The following TBCK variants were observed in gnomAD, a reference collection of about 807,000 sequenced individuals.
TBCK encodes TBC1 domain containing kinase.
In TBCK, 99 loss-of-function variants were observed where a neutral mutation model predicts 113.4. That is an observed-to-expected ratio of 0.87 (90% CI 0.74 to 1.03). The LOEUF is 1.03. Ranked by LOEUF, TBCK falls within the 50% of genes least tolerant of loss-of-function variation. TBCK has a pLI of 0.00. For synonymous variants in TBCK, 369 were observed against 370.8 expected (o/e 1.00, Z 0.05); for missense variants, 1,045 against 1,061.3 (o/e 0.98, Z 0.21).
intron 23 of TBCK, among the ~76,000 whole-genome samples, chr4:106,151,523 T>C (rs1748484619): frequency 6.6e-6 from 1 of 152,040 alleles, no homozygotes; most frequent in Non-Finnish European, 1.5e-5. Flanking sequence ...TCCATCTGTG[T>C]TGTCGCAAAT....
At chr4:106,079,165 A>C (rs2149489318) in intron 25 of TBCK, among the ~76,000 whole-genome samples, 1 of 152,334 alleles carries the variant, frequency 6.6e-6, no homozygotes, top group African/African-American at 2.4e-5. Context: ...GCATCAAAAA[A>C]ACATACCTCA....
At chr4:106,209,510 AT>A (rs1175205994) in intron 20 of TBCK, among the ~76,000 whole-genome samples, 1 of 152,212 alleles carries the variant, frequency 6.6e-6, no homozygotes. Flanking sequence ...AAAAATACAA[AT>A]ATAATATTCC....
rs539883960 is a variant in TBCK at position 106,165,649 on chromosome 4, A to G, written c.2235+5446T>C. Among the ~76,000 whole-genome samples, 89 of 151,878 alleles carry G rather than the reference A, an allele frequency of 5.9e-4. 3 individuals carry two copies. Among genetic ancestry groups the G allele is most frequent in the Admixed American group, 1.7e-3 (26 of 15,246 alleles). On this transcript the variant is annotated intron_variant, in intron 23 of 25. Coordinates refer to ENST00000394708, the MANE Select transcript of TBCK (RefSeq NM_001163435.3). ...TAAAAAAAATTAACTGTTAATTACT[A>G]AACTTGTAATAATGATTTTTTACTC... is the stretch of plus-strand genomic sequence containing the variant.
At chr4:106,058,042 T>C (rs534059991) in intron 25 of TBCK, among the ~76,000 whole-genome samples, 45 of 151,894 alleles carry the variant, frequency 3.0e-4, no homozygotes, top group African/African-American at 1.0e-3. Context: ...TGCAAACTAT[T>C]ATTTTCACAT....
intron 2 of TBCK, among the ~76,000 whole-genome samples, 193 bp from the exon 3 acceptor site, chr4:106,295,359 T>C (rs1239294699): frequency 6.6e-6 from 1 of 152,210 alleles, no homozygotes; most frequent in Non-Finnish European, 1.5e-5. Flanking sequence ...AATAACTATT[T>C]TTTTCTCTTG....
chr4:106,121,711 T>A (rs1164517226), intron 23 of TBCK, among the ~76,000 whole-genome samples: 1 of 152,132 alleles, frequency 6.6e-6, no homozygotes, highest in East Asian at 1.9e-4. Flanking sequence ...GAACTCAGGA[T>A]TAAGAATCTT....
At chr4:106,049,118 C>A (rs1175557551) in intron 25 of TBCK, among the ~76,000 whole-genome samples, 2 of 152,132 alleles carry the variant, frequency 1.3e-5, no homozygotes, top group Non-Finnish European at 2.9e-5. Context: ...GAAACCACGA[C>A]TGCATCTTTT....
At chr4:106,199,090 C>T (rs951897741) in intron 20 of TBCK, among the ~76,000 whole-genome samples, 3 of 152,106 alleles carry the variant, frequency 2.0e-5, no homozygotes, top group Admixed American at 6.6e-5. Flanking sequence ...AGGGAACTTA[C>T]AATAAGAGCA....
intron 19 of TBCK, among the ~76,000 whole-genome samples, chr4:106,217,517 A>C (rs1421465985): frequency 6.6e-6 from 1 of 152,202 alleles, no homozygotes; most frequent in Non-Finnish European, 1.5e-5. Context: ...AACTTCAGCA[A>C]AGTCTCAGGA....
chr4:106,301,631 A>G (rs557667026), intron 2 of TBCK, among the ~76,000 whole-genome samples: 1 of 152,316 alleles, frequency 6.6e-6, no homozygotes. Flanking sequence ...TGATCTATAG[A>G]AAACAGTGAA....
At chr4:106,094,504 T>TA (rs141712177) in intron 25 of TBCK, among the ~76,000 whole-genome samples, 6,240 of 149,224 alleles carry the variant, frequency 0.042, 430 homozygotes, top group African/African-American at 0.14. Flanking sequence ...TTACTAAGAG[T>TA]AAAAAAAAAA....
intron 15 of TBCK, 137 bp downstream of exon 15, chr4:106,235,132 T>C (rs957015551): frequency 9.9e-5 from 48 of 486,366 alleles, no homozygotes; most frequent in African/African-American, 9.4e-4. Context: ...CCACTTAAAA[T>C]TGCCAAATAT....
intron 3 of TBCK, among the ~76,000 whole-genome samples, chr4:106,284,650 C>T (rs1764939359): frequency 6.6e-6 from 1 of 152,152 alleles, no homozygotes; most frequent in Non-Finnish European, 1.5e-5. Flanking sequence ...AGTGCCAAAA[C>T]TCTGCTGAAT....
intron 3 of TBCK, among the ~76,000 whole-genome samples, chr4:106,278,772 T>A (rs1764274933): frequency 6.6e-6 from 1 of 151,954 alleles, no homozygotes; most frequent in Admixed American, 6.6e-5. Context: ...TAGAAGTATG[T>A]CATTATAAGA....
At chr4:106,295,891 T>C (rs1461811146) in intron 2 of TBCK, among the ~76,000 whole-genome samples, 3 of 152,154 alleles carry the variant, frequency 2.0e-5, no homozygotes, top group East Asian at 1.9e-4. Flanking sequence ...GGTTCATCTA[T>C]GAGTTTTTTC....
intron 3 of TBCK, among the ~76,000 whole-genome samples, chr4:106,291,372 A>C (rs1260714324): frequency 6.6e-6 from 1 of 152,216 alleles, no homozygotes; most frequent in African/African-American, 2.4e-5. Flanking sequence ...GAAGACTCTA[A>C]GACTGCCAAC....
chr4:106,155,279 CCTTT>C (rs1276815733), intron 23 of TBCK, among the ~76,000 whole-genome samples: 2 of 151,888 alleles, frequency 1.3e-5, no homozygotes, highest in Admixed American at 6.6e-5. Context: ...CTTTTAGGAT[CCTTT>C]CTTTATCTTT....
At chr4:106,146,778 G>C (rs1747855184) in intron 23 of TBCK, among the ~76,000 whole-genome samples, 1 of 152,140 alleles carries the variant, frequency 6.6e-6, no homozygotes, top group East Asian at 1.9e-4. Context: ...CAACAGTGAA[G>C]TTTGCTGCAT....
At chr4:106,186,764 T>G (rs1341329114) in intron 22 of TBCK, among the ~76,000 whole-genome samples, 1 of 152,190 alleles carries the variant, frequency 6.6e-6, no homozygotes, top group Non-Finnish European at 1.5e-5. Context: ...TTTTTGTTTC[T>G]GTTGCAATTG....
Sources: allele counts gnomAD v4.1 joint callset (sites outside exome capture counted in the v4.1 genomes callset), GRCh38; gene constraint gnomAD v4.1.1; transcripts MANE v1.5; gene names NCBI Gene and HGNC (gene_info 2026-07-23, HGNC 2026-07-21).